Variants in PLA2G4D observed in about 807,000 individuals in gnomAD.
PLA2G4D encodes the protein phospholipase A2 group IVD, also known as cytosolic phospholipase A2 delta.
PLA2G4D carries 80 observed loss-of-function variants against 94.4 expected under a neutral mutation model. That is an observed-to-expected ratio of 0.85 (90% CI 0.71 to 1.02). The LOEUF is 1.02. Among genes scored for constraint, PLA2G4D ranks in the 50% least tolerant of loss-of-function variants. PLA2G4D has a pLI of 0.00. For synonymous variants in PLA2G4D, 438 were observed against 440.9 expected (o/e 0.99, Z 0.08); for missense variants, 1,050 against 1,034.7 (o/e 1.01, Z -0.20).
At chr15:42,090,257 T>C (rs570809387) in intron 1 of PLA2G4D, among the ~76,000 whole-genome samples, 5 of 152,212 alleles carry the variant, frequency 3.3e-5, no homozygotes, top group South Asian at 4.1e-4. Flanking sequence ...TGCAGACTGC[T>C]TAGGAATAAA....
At position 42,093,439 on chromosome 15, in the gene PLA2G4D, T is replaced by G. The variant is rs771942892; in HGVS notation, c.45+976A>C. On this transcript the variant is annotated intron_variant, in intron 1 of 19. Transcript: ENST00000290472. ...CAGAAGCCTCCACAATGGGCCGTTCTGGGCTCAGGGCTCCTGATGGGACGG... is the reference window on the plus strand; with the variant it reads ...CAGAAGCCTCCACAATGGGCCGTTCGGGGCTCAGGGCTCCTGATGGGACGG... Among the ~76,000 whole-genome samples, 5 of 152,334 alleles carry G rather than the reference T, an allele frequency of 3.3e-5. No homozygotes were observed. The South Asian group carries it at 8.3e-4, about 25-fold the overall frequency.
rs199864669 is a variant in PLA2G4D at position 42,071,114 on chromosome 15, G to A, written c.1876+9C>T. 1.7e-5 allele frequency: 27 copies of A among 1,598,088 alleles called. No individual in the cohort carries two copies. In the East Asian group the frequency reaches 2.7e-4, roughly 16 times the overall value. Reference sequence around the variant, plus strand: ...TTGTGACCTAGGGACCCCTGGCCACGGCCCTGACCTGCCCAGGTGGAGAAG... The same window carrying A: ...TTGTGACCTAGGGACCCCTGGCCACAGCCCTGACCTGCCCAGGTGGAGAAG... On this transcript the variant is annotated intron_variant, in intron 17 of 19. Transcript: ENST00000290472.
chr15:42,075,405 A>G (rs1303337308), intron 13 of PLA2G4D, among the ~76,000 whole-genome samples: 1 of 152,268 alleles, frequency 6.6e-6, no homozygotes, highest in Non-Finnish European at 1.5e-5. Context: ...CAGGAAAGTC[A>G]GTTATTAAAA....
intron 13 of PLA2G4D, 73 bp from the exon 14 acceptor site, chr15:42,072,465 G>A (rs2141093496): frequency 8.3e-7 from 1 of 1,204,110 alleles, no homozygotes; most frequent in African/African-American, 1.5e-5. Context: ...CCAGGACAGG[G>A]GCAGGATGGG....
At chr15:42,086,784 G>A (rs746521446) in intron 3 of PLA2G4D, among the ~76,000 whole-genome samples, 32 of 152,132 alleles carry the variant, frequency 2.1e-4, no homozygotes, top group African/African-American at 4.1e-4. Flanking sequence ...CCTGGGAGGC[G>A]GAGGTTGCAG....
rs755724653 is a variant in PLA2G4D, at chr15:42,079,629, G to C, written c.1225C>G (p.Arg409Gly). 3.1e-6 allele frequency: 5 copies of C among 1,611,868 alleles called. No individual in the cohort carries two copies. Among genetic ancestry groups the C allele is most frequent in the South Asian group, 2.2e-5 (2 of 90,754 alleles). ...VFSPERLASY[R>G]RELELRAEQG... ...TCAGCCCGCAGCTCCAGCTCCCGGCGGTAGCTCGCCAGGCGCTCTGGGGAA... is the reference window on the plus strand; with the variant it reads ...TCAGCCCGCAGCTCCAGCTCCCGGCCGTAGCTCGCCAGGCGCTCTGGGGAA... Residue 409 changes from arginine (R) to glycine (G), a missense_variant, in exon 13 of 20, where the codon CGC (arginine) becomes GGC (glycine). Transcript: ENST00000290472.
chr15:42,081,982 A>G (rs1595595533), intron 9 of PLA2G4D, 148 bp from the exon 10 acceptor site: 1 of 1,010,884 alleles, frequency 9.9e-7, no homozygotes, highest in East Asian at 2.6e-5. Context: ...CTCAGGCTGG[A>G]GTGCAATGGT....
intron 1 of PLA2G4D, among the ~76,000 whole-genome samples, chr15:42,089,952 AG>A (rs1301247517): frequency 6.6e-6 from 1 of 152,232 alleles, no homozygotes; most frequent in African/African-American, 2.4e-5. Context: ...ATTCCCCGGC[AG>A]GTTATTTTCC....
chr15:42,093,847 G>T (rs987000269), intron 1 of PLA2G4D, among the ~76,000 whole-genome samples: 1 of 152,234 alleles, frequency 6.6e-6, no homozygotes, highest in Middle Eastern at 3.2e-3. Flanking sequence ...TCAGGAGCCA[G>T]CTCTGCTGGC....
intron 9 of PLA2G4D, 44 bp downstream of exon 9, chr15:42,082,235 T>C (rs769466167): frequency 8.6e-6 from 13 of 1,518,492 alleles, no homozygotes; most frequent in Non-Finnish European, 1.2e-5. Flanking sequence ...CCCAGCCTTA[T>C]CTTCATTCTT....
At chr15:42,081,323 A>G (rs1890033402) in intron 11 of PLA2G4D, among the ~76,000 whole-genome samples, 156 bp downstream of exon 11, 1 of 152,156 alleles carries the variant, frequency 6.6e-6, no homozygotes, top group East Asian at 1.9e-4. Context: ...TGGAGCTCCC[A>G]AGGGAGTTAG....
At chr15:42,092,877 T>C (rs955062632) in intron 1 of PLA2G4D, among the ~76,000 whole-genome samples, 4 of 152,190 alleles carry the variant, frequency 2.6e-5, no homozygotes, top group Non-Finnish European at 5.9e-5. Context: ...TTGCCCGTGA[T>C]CCTGGGTGTT....
In PLA2G4D at chr15:42,087,826, G is replaced by C. The variant is rs1480792044; in HGVS notation, c.46-126C>G. The C allele has an allele frequency of 2.6e-5, 24 of 935,666 alleles. 1 individual carries two copies. The highest frequency in any genetic ancestry group is 3.7e-5 in the Non-Finnish European group (23 of 620,920). The allele number at this position is 935,666 out of a possible 1,614,324, so 58.0% of individuals were successfully genotyped here. On this transcript the variant is annotated intron_variant, in intron 1 of 19. Transcript: ENST00000290472. The stretch of plus-strand genomic sequence containing the variant: ...TTGGTGGTGCTGACACCCCTGCCAG[G>C]CGTTCCGGGGACACCCTCTGGGGAC...
At chr15:42,070,479 C>A in intron 18 of PLA2G4D, 1 of 563,936 alleles carries the variant, frequency 1.8e-6, no homozygotes, top group Non-Finnish European at 3.1e-6. Context: ...TCCAGCTGTT[C>A]TTTGGAGTAG....
chr15:42,081,205 G>T (rs573727173), intron 11 of PLA2G4D, 72 bp from the exon 12 acceptor site: 33 of 1,560,834 alleles, frequency 2.1e-5, no homozygotes, highest in Non-Finnish European at 2.6e-5. Context: ...CCAGGGCCCT[G>T]CCCCGCTCCT....
At chr15:42,092,873 G>A (rs564899014) in intron 1 of PLA2G4D, among the ~76,000 whole-genome samples, 5 of 152,342 alleles carry the variant, frequency 3.3e-5, no homozygotes, top group East Asian at 1.9e-4. Flanking sequence ...ATCCTTGCCC[G>A]TGATCCTGGG....
In PLA2G4D at chr15:42,071,807, T is replaced by C; in HGVS notation, c.1540A>G (p.Arg514Gly). ...AAGCAGATCCGGGGCTCCGGGATCC[T>C]CCTCATCAGCCGTCCCATGAAGAAC... ...SEFFMGRLMR[R>G]IPEPRICFLE... Residue 514 changes from arginine to glycine, a missense_variant, in exon 15 of 20, where the codon AGG becomes GGG. Arg to Gly is a moderately radical substitution (Grantham distance 125). Transcript: ENST00000290472. 6.2e-7 allele frequency: 1 copy of C among 1,614,054 alleles called. No homozygotes were observed. Among genetic ancestry groups the C allele is most frequent in the Non-Finnish European group, 8.5e-7 (1 of 1,179,980 alleles).
chr15:42,088,521 CA>C (rs1162167550), intron 1 of PLA2G4D, among the ~76,000 whole-genome samples: 1 of 152,226 alleles, frequency 6.6e-6, no homozygotes, highest in Non-Finnish European at 1.5e-5. Context: ...CTGCCACGAT[CA>C]GGAGGGCCCT....
At chr15:42,073,486 C>T (rs1048548740) in intron 13 of PLA2G4D, among the ~76,000 whole-genome samples, 5 of 152,178 alleles carry the variant, frequency 3.3e-5, no homozygotes, top group Non-Finnish European at 5.9e-5. Flanking sequence ...AGGATTCTGC[C>T]GCCAGAGCTG....
Sources: allele counts gnomAD v4.1 joint callset (sites outside exome capture counted in the v4.1 genomes callset), GRCh38; gene constraint gnomAD v4.1.1; transcripts MANE v1.5; gene names NCBI Gene and HGNC (gene_info 2026-07-23, HGNC 2026-07-21).